The following GALNT13 variants were observed in gnomAD, a reference collection of about 807,000 sequenced individuals.
The protein encoded by GALNT13 is UDP-GalNAc:polypeptide N-acetylgalactosaminyltransferase 13.
Under a neutral mutation model 64.2 loss-of-function variants are expected in GALNT13, and 28 were observed. The ratio of observed to expected loss-of-function variants is 0.44; its 90% CI spans 0.32 to 0.60. The LOEUF (loss-of-function observed/expected upper bound fraction) is 0.60. Ranked by LOEUF, GALNT13 falls within the 20% of genes least tolerant of loss-of-function variation. The pLI is 0.05. For synonymous variants in GALNT13, 214 were observed against 224.6 expected (o/e 0.95, Z 0.42); for missense variants, 577 against 669.8 (o/e 0.86, Z 1.53).
chr2:153,735,285 G>T, the GALNT13 span, among the ~76,000 whole-genome samples: 2 of 151,790 alleles, frequency 1.3e-5, no homozygotes, highest in Non-Finnish European at 2.9e-5. Context: ...AATGGTTTTA[G>T]TTTGTTGTTC....
chr2:153,200,471 G>A, the GALNT13 span, among the ~76,000 whole-genome samples: 2 of 152,154 alleles, frequency 1.3e-5, no homozygotes, highest in Non-Finnish European at 2.9e-5. Context: ...TGTCAGGTCC[G>A]GCCAGGGGCA....
chr2:154,148,077 C>T (rs1056906473), intron 4 of GALNT13, among the ~76,000 whole-genome samples: 71 of 151,896 alleles, frequency 4.7e-4, no homozygotes, highest in African/African-American at 1.6e-3. Flanking sequence ...CCTCCACCTT[C>T]CCCCCTCCCC....
intron 11 of GALNT13, 22 bp from the exon 12 acceptor site, chr2:154,438,570 T>G: frequency 6.3e-7 from 1 of 1,579,144 alleles, no homozygotes. Flanking sequence ...ATTTTTTTTA[T>G]TAGCTGAATT....
At chr2:153,741,305 A>G in the GALNT13 span, among the ~76,000 whole-genome samples, 2 of 151,790 alleles carry the variant, frequency 1.3e-5, no homozygotes, top group African/African-American at 4.8e-5. Context: ...TCAACTATCC[A>G]TGTATTAATA....
intron 9 of GALNT13, among the ~76,000 whole-genome samples, chr2:154,316,102 A>C (rs764801998): frequency 2.0e-5 from 3 of 152,182 alleles, no homozygotes; most frequent in Non-Finnish European, 4.4e-5. Flanking sequence ...AAATTAAAAA[A>C]AAATTTAAAA....
the GALNT13 span, among the ~76,000 whole-genome samples, chr2:153,680,642 T>C: frequency 1.3e-5 from 2 of 152,006 alleles, no homozygotes; most frequent in East Asian, 3.9e-4. Context: ...ATGCATTTCC[T>C]AACTCCTGCT....
the GALNT13 span, among the ~76,000 whole-genome samples, chr2:153,197,141 G>T: frequency 2.2e-4 from 34 of 152,240 alleles, no homozygotes; most frequent in African/African-American, 5.8e-4. Flanking sequence ...CCAGATGCCA[G>T]AGGTGGTTGA....
the GALNT13 span, among the ~76,000 whole-genome samples, chr2:153,254,679 C>T: frequency 5.9e-5 from 9 of 152,134 alleles, no homozygotes; most frequent in Middle Eastern, 3.4e-3. Context: ...TCTTTGTTCT[C>T]GTTGGTTTCA....
At chr2:153,069,631 A>G in the GALNT13 span, among the ~76,000 whole-genome samples, 1 of 152,188 alleles carries the variant, frequency 6.6e-6, no homozygotes, top group African/African-American at 2.4e-5. Context: ...AACAGGGACT[A>G]TAGTCCCATG....
intron 4 of GALNT13, among the ~76,000 whole-genome samples, chr2:154,171,947 C>A (rs1685370268): frequency 6.7e-6 from 1 of 148,166 alleles, no homozygotes; most frequent in Admixed American, 6.8e-5. Context: ...ATGCTCAATA[C>A]AAAAATTAAA....
intron 3 of GALNT13, among the ~76,000 whole-genome samples, chr2:153,957,848 T>G (rs181890488): frequency 2.0e-5 from 3 of 152,356 alleles, no homozygotes; most frequent in East Asian, 3.9e-4. Context: ...CTTTGCTTTT[T>G]TCCCACAGCA....
intron 9 of GALNT13, among the ~76,000 whole-genome samples, chr2:154,366,602 G>T (rs1697374056): frequency 6.6e-6 from 1 of 152,156 alleles, no homozygotes; most frequent in Non-Finnish European, 1.5e-5. Context: ...TTTTTAACAT[G>T]TATTATACAT....
chr2:154,050,664 A>C (rs951638944), intron 3 of GALNT13, among the ~76,000 whole-genome samples: 7 of 152,218 alleles, frequency 4.6e-5, no homozygotes, highest in African/African-American at 1.7e-4. Flanking sequence ...TTTAAGTATC[A>C]GATGTTGTGG....
the GALNT13 span, among the ~76,000 whole-genome samples, chr2:153,824,165 T>C: frequency 6.6e-6 from 1 of 152,044 alleles, no homozygotes; most frequent in South Asian, 2.1e-4. Context: ...ACACTGTATA[T>C]ATATATATAG....
chr2:154,435,125 A>G (rs928492927), intron 11 of GALNT13, among the ~76,000 whole-genome samples: 1 of 152,244 alleles, frequency 6.6e-6, no homozygotes, highest in East Asian at 1.9e-4. Flanking sequence ...CATATGCTAA[A>G]TCTATGGTTC....
the GALNT13 span, among the ~76,000 whole-genome samples, chr2:153,564,158 T>C: frequency 6.6e-6 from 1 of 152,016 alleles, no homozygotes; most frequent in Non-Finnish European, 1.5e-5. Context: ...GGCTATTTCG[T>C]CACTAGATTT....
At chr2:153,653,936 A>G in the GALNT13 span, among the ~76,000 whole-genome samples, 3 of 152,190 alleles carry the variant, frequency 2.0e-5, no homozygotes, top group Admixed American at 6.6e-5. Context: ...TCATCAAAGG[A>G]TGCTTAAACA....
intron 11 of GALNT13, among the ~76,000 whole-genome samples, chr2:154,423,084 C>A (rs541191630): frequency 7.1e-4 from 92 of 129,156 alleles, no homozygotes; most frequent in African/African-American, 2.4e-3. Flanking sequence ...CACAACAGGC[C>A]CTGGTGTGTG....
the GALNT13 span, among the ~76,000 whole-genome samples, chr2:153,793,696 T>C: frequency 2.0e-5 from 3 of 151,672 alleles, no homozygotes; most frequent in African/African-American, 7.3e-5. Context: ...CCATATTACA[T>C]GTTATGTATC....
Sources: allele counts gnomAD v4.1 joint callset (sites outside exome capture counted in the v4.1 genomes callset), GRCh38; gene constraint gnomAD v4.1.1; transcripts MANE v1.5; gene names NCBI Gene and HGNC (gene_info 2026-07-23, HGNC 2026-07-21).